Variants in ADRA1B observed in about 807,000 individuals in gnomAD.
The protein encoded by ADRA1B is adrenoceptor alpha 1B, also known as alpha-1B adrenergic receptor.
In ADRA1B, 17 loss-of-function variants were observed where a neutral mutation model predicts 17.9. The observed-to-expected ratio is 0.95, with a 90% CI of 0.65 to 1.42. The LOEUF is 1.42. ADRA1B is among the 40% of genes most tolerant of loss of function. The pLI, the probability that ADRA1B is intolerant of heterozygous loss-of-function variation, is 0.00. For missense variants in ADRA1B, 681 were observed against 722.1 expected (o/e 0.94, Z 0.65); for synonymous variants, 366 against 327.6 (o/e 1.12, Z -1.27).
intron 1 of ADRA1B, among the ~76,000 whole-genome samples, chr5:159,923,480 G>A (rs1240860864): frequency 1.3e-5 from 2 of 152,274 alleles, no homozygotes; most frequent in Non-Finnish European, 2.9e-5. Context: ...GTCCGCAAGA[G>A]AGGAAATGTG....
chr5:159,889,193 T>C (rs1191592404), intron 1 of ADRA1B, among the ~76,000 whole-genome samples: 2 of 152,248 alleles, frequency 1.3e-5, no homozygotes, highest in East Asian at 3.9e-4. Context: ...CCAGGACCTG[T>C]GATGCACCTC....
intron 1 of ADRA1B, among the ~76,000 whole-genome samples, chr5:159,938,843 G>A (rs184205500): frequency 1.4e-3 from 217 of 152,280 alleles, no homozygotes; most frequent in Middle Eastern, 3.4e-3. Flanking sequence ...AGTCCTCAGC[G>A]ATGCCTAGAA....
At chr5:159,890,122 A>G (rs1327915511) in intron 1 of ADRA1B, among the ~76,000 whole-genome samples, 2 of 152,180 alleles carry the variant, frequency 1.3e-5, no homozygotes, top group African/African-American at 4.8e-5. Flanking sequence ...CTCCAAACCT[A>G]GTAGTAGACA....
At chr5:159,947,568 C>T in intron 1 of ADRA1B, 1 of 317,474 alleles carries the variant, frequency 3.1e-6, no homozygotes, top group Non-Finnish European at 4.6e-6. Context: ...TTGCAATAAG[C>T]CTCATTTCTT....
chr5:159,969,219 C>A (rs1212958822), intron 1 of ADRA1B, among the ~76,000 whole-genome samples: 1 of 152,218 alleles, frequency 6.6e-6, no homozygotes, highest in Non-Finnish European at 1.5e-5. Flanking sequence ...TCAGTACTTA[C>A]ACTTGGCACT....
chr5:159,928,433 C>A (rs1056544617), intron 1 of ADRA1B, among the ~76,000 whole-genome samples: 1 of 152,230 alleles, frequency 6.6e-6, no homozygotes, highest in Non-Finnish European at 1.5e-5. Flanking sequence ...GTGCCCCTCT[C>A]TGGTGCGAGC....
intron 1 of ADRA1B, among the ~76,000 whole-genome samples, chr5:159,965,378 A>G (rs1370602664): frequency 6.6e-6 from 1 of 152,140 alleles, no homozygotes; most frequent in Non-Finnish European, 1.5e-5. Context: ...GGCATTGTTA[A>G]AGAGCCCAGC....
the ADRA1B span, among the ~76,000 whole-genome samples, chr5:159,980,722 A>G: frequency 1.3e-5 from 2 of 152,198 alleles, no homozygotes; most frequent in East Asian, 3.8e-4. Flanking sequence ...TACTGGGCAT[A>G]TAGGAAATGC....
At chr5:159,891,670 G>T (rs533106016) in intron 1 of ADRA1B, among the ~76,000 whole-genome samples, 3 of 152,302 alleles carry the variant, frequency 2.0e-5, no homozygotes, top group African/African-American at 7.2e-5. Flanking sequence ...GTGATTCATT[G>T]TTGAGAATTT....
chr5:159,948,180 T>C (rs1289040862), intron 1 of ADRA1B: 1 of 985,344 alleles, frequency 1.0e-6, no homozygotes, highest in African/African-American at 1.7e-5. Context: ...GCTGGAGGCA[T>C]GTTCTCTAAG....
At chr5:159,947,784 G>A in intron 1 of ADRA1B, 1 of 985,404 alleles carries the variant, frequency 1.0e-6, no homozygotes, top group South Asian at 4.7e-5. Flanking sequence ...CCAGCCTAGA[G>A]TCTGGCCACG....
intron 1 of ADRA1B, among the ~76,000 whole-genome samples, chr5:159,886,039 A>C (rs555617752): frequency 1.3e-5 from 2 of 152,342 alleles, no homozygotes; most frequent in African/African-American, 4.8e-5. Flanking sequence ...CATGCTATGC[A>C]ATCCAGAAAA....
chr5:159,933,465 T>A (rs1291499796), intron 1 of ADRA1B, among the ~76,000 whole-genome samples: 3 of 152,216 alleles, frequency 2.0e-5, no homozygotes, highest in Non-Finnish European at 4.4e-5. Context: ...AAGCCAGTTT[T>A]TATGCTGATA....
chr5:159,939,327 G>A (rs1169169833), intron 1 of ADRA1B, among the ~76,000 whole-genome samples: 22 of 120,720 alleles, frequency 1.8e-4, no homozygotes, highest in Admixed American at 4.0e-4. Flanking sequence ...GTGTGTGCGC[G>A]CGCGCGCGCA....
At chr5:159,931,592 T>A (rs1437326179) in intron 1 of ADRA1B, among the ~76,000 whole-genome samples, 1 of 152,276 alleles carries the variant, frequency 6.6e-6, no homozygotes, top group East Asian at 1.9e-4. Context: ...GGAAAAATCA[T>A]CCATAATCAT....
chr5:159,899,306 G>GGAAT (rs1561585353), intron 1 of ADRA1B, among the ~76,000 whole-genome samples: 1 of 147,094 alleles, frequency 6.8e-6, no homozygotes, highest in African/African-American at 2.5e-5. Context: ...AAGGAAGGAA[G>GGAAT]GAAGGAAGGA....
rs561916973 is a variant in ADRA1B at position 159,951,590 on chromosome 5, C to T, written c.950-20289C>T. 2.8e-3 allele frequency: 1,303 copies of T among 458,894 alleles called. 28 individuals carry two copies. Among genetic ancestry groups the T allele is most frequent in the South Asian group, 0.025 (1,240 of 49,820 alleles). 28.4% of individuals were successfully genotyped at this position (458,894 alleles called of 1,614,324 possible). On this transcript the variant is annotated intron_variant, in intron 1 of 1. Coordinates refer to ENST00000306675, the MANE Select transcript of ADRA1B (RefSeq NM_000679.4). ...AGAGCCCCTAGTGGAGAATTTAGCA[C>T]GGTCTGGATGGATAGACGAGACCAC...
intron 1 of ADRA1B, among the ~76,000 whole-genome samples, chr5:159,961,342 TG>T (rs140306404): frequency 0.019 from 2,894 of 152,340 alleles, 52 homozygotes; most frequent in East Asian, 0.11. Context: ...ATGGAGTTGT[TG>T]CAAAAGGTGG....
chr5:159,987,759 A>AT, the ADRA1B span, among the ~76,000 whole-genome samples: 3 of 152,086 alleles, frequency 2.0e-5, no homozygotes, highest in African/African-American at 7.2e-5. Flanking sequence ...ACAATGTAAT[A>AT]TTTTTCTGGA....
Sources: gnomAD v4.1 joint callset for allele counts (sites outside exome capture counted in the v4.1 genomes callset) on GRCh38, gnomAD v4.1.1 for gene constraint, MANE v1.5 for transcripts, NCBI Gene and HGNC (gene_info 2026-07-23, HGNC 2026-07-21) for gene names.